Variants in THSD4 observed in about 807,000 individuals in gnomAD.
THSD4 encodes thrombospondin type 1 domain containing 4.
In THSD4, 69 loss-of-function variants were observed where a neutral mutation model predicts 119.0. That is an observed-to-expected ratio of 0.58 (90% CI 0.48 to 0.71). The LOEUF (loss-of-function observed/expected upper bound fraction) is 0.71. Ranked by LOEUF, THSD4 falls within the 30% of genes least tolerant of loss-of-function variation. THSD4 has a pLI of 0.00. For synonymous variants in THSD4, 524 were observed against 540.4 expected, an observed-to-expected ratio of 0.97 and a Z score of 0.42; for missense variants, 1,393 against 1,391.1, an observed-to-expected ratio of 1.00 and a Z score of -0.02.
chr15:71,514,332 T>G (rs761621100), intron 7 of THSD4, among the ~76,000 whole-genome samples: 11 of 152,146 alleles, frequency 7.2e-5, no homozygotes, highest in Non-Finnish European at 1.3e-4. Context: ...CAGAAGTAAT[T>G]AGGAGGGCTT....
At chr15:71,576,565 GTTTT>G (rs375413251) in intron 7 of THSD4, among the ~76,000 whole-genome samples, 9 of 152,164 alleles carry the variant, frequency 5.9e-5, no homozygotes, top group African/African-American at 2.2e-4. Flanking sequence ...CCTTCATTTT[GTTTT>G]TTGTTAGGAC....
chr15:71,485,173 C>T (rs1340101557), intron 7 of THSD4, among the ~76,000 whole-genome samples: 1 of 152,156 alleles, frequency 6.6e-6, no homozygotes, highest in African/African-American at 2.4e-5. Flanking sequence ...TTCTAGGCCC[C>T]ACTGGCTCCA....
At chr15:71,494,017 G>A (rs958532772) in intron 7 of THSD4, among the ~76,000 whole-genome samples, 10 of 152,286 alleles carry the variant, frequency 6.6e-5, no homozygotes, top group East Asian at 5.8e-4. Context: ...AGTTTACAGC[G>A]TCGCTTTCAG....
intron 2 of THSD4, 40 bp from the exon 3 acceptor site, chr15:71,154,823 C>T (rs763592011): frequency 6.2e-7 from 1 of 1,602,218 alleles, no homozygotes; most frequent in Non-Finnish European, 8.6e-7. Flanking sequence ...CTGCCTGGAA[C>T]ATACTCACCA....
At chr15:71,272,475 G>T (rs1476030530) in intron 6 of THSD4, among the ~76,000 whole-genome samples, 1 of 147,998 alleles carries the variant, frequency 6.8e-6, no homozygotes, top group Non-Finnish European at 1.5e-5. Context: ...TTTCTCAAAC[G>T]AAGACATAAA....
chr15:71,359,128 C>T (rs1314333003), intron 6 of THSD4, among the ~76,000 whole-genome samples: 3 of 152,166 alleles, frequency 2.0e-5, no homozygotes, highest in Non-Finnish European at 2.9e-5. Context: ...TCCTCCCCTT[C>T]GCATCTTCTC....
intron 7 of THSD4, among the ~76,000 whole-genome samples, chr15:71,481,880 G>C (rs780081804): frequency 6.6e-6 from 1 of 152,116 alleles, no homozygotes; most frequent in Admixed American, 6.5e-5. Flanking sequence ...ATATTGAAAA[G>C]GCAGGGATTC....
At chr15:71,441,509 C>T (rs985685849) in intron 7 of THSD4, among the ~76,000 whole-genome samples, 5 of 140,748 alleles carry the variant, frequency 3.6e-5, no homozygotes, top group African/African-American at 1.0e-4. Flanking sequence ...AATACTCCTG[C>T]CTCAGCCTCA....
At chr15:71,231,648 A>G (rs1191776921) in intron 4 of THSD4, among the ~76,000 whole-genome samples, 1 of 152,090 alleles carries the variant, frequency 6.6e-6, no homozygotes, top group Non-Finnish European at 1.5e-5. Flanking sequence ...GCTGATTCTC[A>G]TGCTGGCCTT....
At chr15:71,570,265 C>T (rs928830328) in intron 7 of THSD4, among the ~76,000 whole-genome samples, 3 of 152,124 alleles carry the variant, frequency 2.0e-5, no homozygotes, top group Admixed American at 1.3e-4. Context: ...ATGGCTTTCT[C>T]GTTTGTGTTG....
At chr15:71,180,019 C>T (rs1201616849) in intron 3 of THSD4, among the ~76,000 whole-genome samples, 1 of 111,130 alleles carries the variant, frequency 9.0e-6, no homozygotes, top group Non-Finnish European at 1.8e-5. Context: ...GGAGGGATAG[C>T]ATTGGGAGAT....
At chr15:71,623,794 G>A (rs900462436) in intron 7 of THSD4, among the ~76,000 whole-genome samples, 1 of 151,968 alleles carries the variant, frequency 6.6e-6, no homozygotes, top group African/African-American at 2.4e-5. Context: ...ATGGTGGCGG[G>A]CACCTGTAAT....
chr15:71,475,030 G>A (rs1430440380), intron 7 of THSD4, among the ~76,000 whole-genome samples: 5 of 152,230 alleles, frequency 3.3e-5, no homozygotes, highest in African/African-American at 9.6e-5. Flanking sequence ...GACACCCTGA[G>A]GGTAGAGTCC....
chr15:71,123,114 C>T (rs546943344), intron 1 of THSD4, among the ~76,000 whole-genome samples: 45 of 152,270 alleles, frequency 3.0e-4, no homozygotes, highest in Non-Finnish European at 5.0e-4. Context: ...AGGTACTGTT[C>T]GAGTGGTGAC....
intron 11 of THSD4, among the ~76,000 whole-genome samples, chr15:71,742,236 A>T (rs1302950257): frequency 6.6e-6 from 1 of 152,182 alleles, no homozygotes; most frequent in Non-Finnish European, 1.5e-5. Flanking sequence ...CCCTTTGTCT[A>T]AGTGCTTCCA....
chr15:71,665,629 G>C (rs911885290), intron 8 of THSD4, among the ~76,000 whole-genome samples: 1 of 152,028 alleles, frequency 6.6e-6, no homozygotes, highest in African/African-American at 2.4e-5. Flanking sequence ...TATAGTTTTG[G>C]GTTTTACATT....
intron 7 of THSD4, among the ~76,000 whole-genome samples, chr15:71,592,090 A>G (rs893916376): frequency 2.0e-5 from 3 of 152,318 alleles, no homozygotes; most frequent in East Asian, 3.9e-4. Flanking sequence ...CCAGGATTTG[A>G]GCTACGGTTT....
intron 7 of THSD4, among the ~76,000 whole-genome samples, chr15:71,434,706 G>A (rs780897760): frequency 6.6e-5 from 10 of 152,078 alleles, no homozygotes; most frequent in Non-Finnish European, 1.5e-4. Flanking sequence ...AAAGAGAACG[G>A]AGAAGCTTAA....
At chr15:71,208,284 G>A (rs534246070) in intron 3 of THSD4, among the ~76,000 whole-genome samples, 7 of 152,228 alleles carry the variant, frequency 4.6e-5, no homozygotes, top group African/African-American at 1.7e-4. Context: ...TTATGCAAAT[G>A]TCCCTGCCTA....
Sources: gnomAD v4.1 joint callset for allele counts (sites outside exome capture counted in the v4.1 genomes callset) on GRCh38, gnomAD v4.1.1 for gene constraint, MANE v1.5 for transcripts, NCBI Gene and HGNC (gene_info 2026-07-23, HGNC 2026-07-21) for gene names.